RPS4Y1: variants seen among roughly 807,000 people sequenced by gnomAD.
RPS4Y1 encodes ribosomal protein S4 Y-linked 1.
For synonymous variants in RPS4Y1, 23 were observed against 20.8 expected (o/e 1.10, Z -0.28); for missense variants, 30 against 60.9 (o/e 0.49, Z 1.69).
chrY:2,863,125 T>C (rs2051164815), intron 5 of RPS4Y1, among the ~76,000 whole-genome samples: 1 of 33,724 alleles, frequency 3.0e-5, no homozygotes. Context: ...AATTATAAAA[T>C]AGTGATTCAT....
chrY:2,860,766 G>C, intron 5 of RPS4Y1, among the ~76,000 whole-genome samples: 5 of 34,107 alleles, frequency 1.5e-4, no homozygotes, highest in Non-Finnish European at 3.7e-4. Context: ...TTTACTTGCT[G>C]CTTCCAAGAT....
chrY:2,843,512 A>G, intron 2 of RPS4Y1, among the ~76,000 whole-genome samples: 1 of 33,348 alleles, frequency 3.0e-5, no homozygotes. Context: ...AGATATCCTA[A>G]GGACAGTATA....
chrY:2,841,944 A>G (rs1166060788), intron 1 of RPS4Y1: 1 of 376,745 alleles, frequency 2.7e-6, no homozygotes, highest in Non-Finnish European at 3.7e-6. Flanking sequence ...CTCTTGACGG[A>G]TGCTAGGGAG....
chrY:2,856,455 G>A (rs2051159986), intron 5 of RPS4Y1, among the ~76,000 whole-genome samples: 1 of 33,932 alleles, frequency 2.9e-5, no homozygotes, highest in Non-Finnish European at 7.3e-5. Context: ...TTTTTAAAAT[G>A]GATGTGGACT....
intron 5 of RPS4Y1, among the ~76,000 whole-genome samples, chrY:2,860,254 G>C: frequency 3.0e-5 from 1 of 32,933 alleles, no homozygotes; most frequent in Non-Finnish European, 7.5e-5. Flanking sequence ...ATCCTAAAGA[G>C]ATAAACTAAA....
intron 4 of RPS4Y1, among the ~76,000 whole-genome samples, chrY:2,846,787 G>T: frequency 3.0e-5 from 1 of 33,585 alleles, no homozygotes; most frequent in East Asian, 8.0e-4. Flanking sequence ...CAAATCTGAT[G>T]ACTGGTTTCT....
At chrY:2,849,636 C>G (rs2051154808) in intron 4 of RPS4Y1, among the ~76,000 whole-genome samples, 1 of 33,278 alleles carries the variant, frequency 3.0e-5, no homozygotes, top group African/African-American at 1.2e-4. Flanking sequence ...AGCTGTGGGA[C>G]AGAGGAAAAA....
At chrY:2,853,756 G>C (rs2051157737) in intron 4 of RPS4Y1, among the ~76,000 whole-genome samples, 1 of 33,311 alleles carries the variant, frequency 3.0e-5, no homozygotes, top group Non-Finnish European at 7.4e-5. Flanking sequence ...ATGAGATGAG[G>C]AAGAGCAGCA....
chrY:2,858,585 T>A, intron 5 of RPS4Y1, among the ~76,000 whole-genome samples: 1 of 33,571 alleles, frequency 3.0e-5, no homozygotes, highest in Non-Finnish European at 7.3e-5. Context: ...GCACCACTTG[T>A]TGAAGTGACT....
intron 5 of RPS4Y1, among the ~76,000 whole-genome samples, chrY:2,859,195 C>G: frequency 3.0e-5 from 1 of 33,766 alleles, no homozygotes; most frequent in Non-Finnish European, 7.3e-5. Context: ...ATAGTTGTAA[C>G]TTGACTGGTT....
chrY:2,859,618 A>G, intron 5 of RPS4Y1, among the ~76,000 whole-genome samples: 2 of 32,859 alleles, frequency 6.1e-5, no homozygotes, highest in Non-Finnish European at 7.5e-5. Flanking sequence ...ATGTTTTTCT[A>G]TTGTGTATCC....
At chrY:2,866,407 T>G (rs2051167624) in intron 6 of RPS4Y1, among the ~76,000 whole-genome samples, 1 of 34,106 alleles carries the variant, frequency 2.9e-5, no homozygotes, top group African/African-American at 1.1e-4. Flanking sequence ...GGGAAGTGAG[T>G]AAATGCATGT....
chrY:2,855,171 C>G (rs2051159110), intron 5 of RPS4Y1, among the ~76,000 whole-genome samples: 1 of 33,744 alleles, frequency 3.0e-5, no homozygotes, highest in South Asian at 6.6e-4. Context: ...GTGTCTACAG[C>G]TTTGTTTCTC....
chrY:2,862,138 C>T (rs2051164104), intron 5 of RPS4Y1, among the ~76,000 whole-genome samples: 1 of 30,547 alleles, frequency 3.3e-5, no homozygotes, highest in Non-Finnish European at 7.9e-5. Flanking sequence ...ACGGCAACCC[C>T]TGTCTCTGAG....
At chrY:2,859,524 T>G in intron 5 of RPS4Y1, among the ~76,000 whole-genome samples, 7 of 33,542 alleles carry the variant, frequency 2.1e-4, no homozygotes, top group Non-Finnish European at 5.2e-4. Context: ...TATCTTAAAG[T>G]GAAAACAGTC....
At chrY:2,856,011 C>T (rs2051159664) in intron 5 of RPS4Y1, among the ~76,000 whole-genome samples, 1 of 33,884 alleles carries the variant, frequency 3.0e-5, no homozygotes, top group Non-Finnish European at 7.4e-5. Context: ...AGTGATCCAG[C>T]GCAGGACTGC....
intron 5 of RPS4Y1, among the ~76,000 whole-genome samples, chrY:2,862,690 C>T: frequency 3.0e-5 from 1 of 33,384 alleles, no homozygotes; most frequent in Non-Finnish European, 7.4e-5. Context: ...TAGTTCCTTC[C>T]ATGCTAGACA....
intron 5 of RPS4Y1, among the ~76,000 whole-genome samples, chrY:2,861,938 A>G: frequency 3.1e-5 from 1 of 31,967 alleles, no homozygotes; most frequent in South Asian, 7.3e-4. Flanking sequence ...TCGTAGAGAC[A>G]GGGTTGTCTC....
intron 4 of RPS4Y1, among the ~76,000 whole-genome samples, chrY:2,847,198 A>ACGTCC (rs2051153248): frequency 3.0e-5 from 1 of 33,656 alleles, no homozygotes; most frequent in South Asian, 6.6e-4. Context: ...GGCTCCTGGG[A>ACGTCC]CGTCAGTTAT....
Sources: allele counts gnomAD v4.1 joint callset (sites outside exome capture counted in the v4.1 genomes callset), GRCh38; gene constraint gnomAD v4.1.1; transcripts MANE v1.5; gene names NCBI Gene and HGNC (gene_info 2026-07-23, HGNC 2026-07-21).